Variants in CD164 observed in about 807,000 individuals in gnomAD.
The protein encoded by CD164 is sialomucin core protein 24.
CD164 carries 11 observed loss-of-function variants against 24.6 expected under a neutral mutation model. That is an observed-to-expected ratio of 0.45 (90% confidence interval 0.28 to 0.74). The LOEUF is 0.74. Among genes scored for constraint, CD164 ranks in the 30% least tolerant of loss-of-function variants. CD164 has a pLI of 0.13. For missense variants in CD164, 295 were observed against 243.7 expected (o/e 1.21, Z -1.40); for synonymous variants, 126 against 100.3 (o/e 1.26, Z -1.53).
Position 109,370,431 on chromosome 6 carries a change from G to C in CD164, c.407C>G (p.Ser136Cys). Residue 136 changes from serine to cysteine, a missense_variant, in exon 5 of 6, where the codon TCC becomes TGC. Ser to Cys is a moderately radical substitution (Grantham distance 112). Coordinates refer to ENST00000310786, the MANE Select transcript of CD164 (RefSeq NM_006016.6). Reference sequence around the variant, plus strand: ...ATTACCTGATGTAGTAACTGTCTTGGAAGTTGTAGAAGGGGAGGGCTGAAC... The same window carrying C: ...ATTACCTGATGTAGTAACTGTCTTGCAAGTTGTAGAAGGGGAGGGCTGAAC... ...PTVQPSPSTT[S>C]KTVTTSGTTN... 6.2e-7 allele frequency: 1 copy of C among 1,613,216 alleles called. No homozygotes were observed. Among genetic ancestry groups the C allele is most frequent in the Non-Finnish European group, 8.5e-7 (1 of 1,179,416 alleles).
intron 1 of CD164, chr6:109,381,740 G>A (rs1195324114): frequency 1.7e-6 from 1 of 589,092 alleles, no homozygotes; most frequent in African/African-American, 1.9e-5. Context: ...CCGGACTTCC[G>A]GAGAAGGCTA....
chr6:109,373,446 C>G (rs1312818837), intron 4 of CD164, among the ~76,000 whole-genome samples: 1 of 152,178 alleles, frequency 6.6e-6, no homozygotes, highest in African/African-American at 2.4e-5. Context: ...TGTTCTTCAA[C>G]TAGTGTCAGT....
At chr6:109,375,323 A>C (rs1771331103) in intron 4 of CD164, among the ~76,000 whole-genome samples, 1 of 152,170 alleles carries the variant, frequency 6.6e-6, no homozygotes, top group Admixed American at 6.5e-5. Context: ...TTACATTAAG[A>C]GAGAAAATAC....
At chr6:109,371,827 G>C (rs961850464) in intron 4 of CD164, 1 of 152,888 alleles carries the variant, frequency 6.5e-6, no homozygotes, top group Non-Finnish European at 1.5e-5. Context: ...GGTAAGTCAG[G>C]CTTCAGAGTG....
chr6:109,370,280 C>G (rs1771004132), intron 5 of CD164, 131 bp downstream of exon 5: 2 of 715,092 alleles, frequency 2.8e-6, no homozygotes, highest in African/African-American at 1.8e-5. Flanking sequence ...CTTGATCCCC[C>G]CTAAGAGTAA....
chr6:109,376,751 T>G (rs1771432550), intron 3 of CD164, among the ~76,000 whole-genome samples: 1 of 152,240 alleles, frequency 6.6e-6, no homozygotes, highest in African/African-American at 2.4e-5. Flanking sequence ...CTAATACTAA[T>G]GAAATCTTCA....
chr6:109,368,230 G>C lies in CD164; in HGVS notation c.*621C>G. On this transcript the variant is annotated 3_prime_UTR_variant, in exon 6 of 6. Coordinates refer to ENST00000310786, the MANE Select transcript of CD164 (RefSeq NM_006016.6). ...CTTTATATTCTCAATGACATAAGAT[G>C]CTTTACAAGTATGAACAATAATCTG... The C allele has an allele frequency of 6.8e-7, 1 of 1,479,986 alleles. No individual in the cohort carries two copies. The allele number at this position is 1,479,986 out of a possible 1,614,324, so 91.7% of individuals were successfully genotyped here.
intron 4 of CD164, among the ~76,000 whole-genome samples, chr6:109,373,545 T>C (rs1208656131): frequency 6.6e-6 from 1 of 152,142 alleles, no homozygotes; most frequent in Non-Finnish European, 1.5e-5. Context: ...CTCATGGCAA[T>C]TCACAGGAGG....
In CD164 at chr6:109,377,911, T is replaced by G. The variant is rs765986775; in HGVS notation, c.320A>C (p.Asp107Ala). The change falls in exon 3 of 6, where the codon GAC (aspartate) becomes GCC (alanine). Residue 107 changes from aspartate to alanine, a missense_variant. By Grantham distance (126) the Asp-to-Ala change is moderately radical (BLOSUM62 -2). Transcript: ENST00000310786. ...VSDCQVGNTT[D>A]FCSVSTATPV... ...ATATGAATACTTACCGGAACAGAAG[T>G]CTGTCGTGTTCCCCACTTGACAATC... 1 of 1,612,954 alleles carries G rather than the reference T, an allele frequency of 6.2e-7. No individual in the cohort carries two copies. The highest frequency in any genetic ancestry group is 1.1e-5 in the South Asian group (1 of 91,066).
chr6:109,370,731 T>C (rs1347254706), intron 4 of CD164: 3 of 335,720 alleles, frequency 8.9e-6, no homozygotes, highest in African/African-American at 6.6e-5. Flanking sequence ...TACATCTGGA[T>C]AAAATTTGCG....
rs758680592 is a variant in CD164 at position 109,368,981 on chromosome 6, G to A, written c.464C>T (p.Pro155Leu). The A allele has an allele frequency of 1.1e-5, 18 of 1,613,686 alleles. No homozygotes were observed. Among genetic ancestry groups the A allele is most frequent in the Non-Finnish European group, 1.4e-5 (17 of 1,179,794 alleles). Residue 155 changes from proline to leucine, a missense_variant, in exon 6 of 6, where the codon CCT becomes CTT. Physicochemically the swap from Pro to Leu is moderately conservative, Grantham distance 98. Coordinates refer to ENST00000310786, the MANE Select transcript of CD164 (RefSeq NM_006016.6). ...TNNTVTPTSQ[P>L]VRKSTFDAAS... is the part of the protein sequence containing the mutation. Reference sequence around the variant, plus strand: ...TGCATCAAAGGTAGACTTTCGCACAGGTTGTGAGGTTGGAGTCACAGTGTT... The same window carrying A: ...TGCATCAAAGGTAGACTTTCGCACAAGTTGTGAGGTTGGAGTCACAGTGTT...
rs540618382 is a variant in CD164 at position 109,382,299 on chromosome 6, G to A, written c.80C>T (p.Thr27Met). The part of the protein sequence containing the change: ...VLCVLSADKN[T>M]TQHPNVTTLA... ...AGTCGTCACGTTCGGGTGCTGGGTC[G>A]TGTTCTTGTCCGCGGACAGCACGCA... The change falls in exon 1 of 6, where the codon ACG becomes ATG. Residue 27 changes from threonine to methionine, a missense_variant. Transcript: ENST00000310786. The A allele has an allele frequency of 2.5e-6, 4 of 1,584,074 alleles. No homozygotes were observed. Among genetic ancestry groups the A allele is most frequent in the East Asian group, 2.3e-5 (1 of 43,470 alleles).
chr6:109,368,854 C>T lies in CD164; in HGVS notation c.591G>A (p.Leu197=), dbSNP rs757645536. 5 of 1,611,970 alleles carry T rather than the reference C, an allele frequency of 3.1e-6. No homozygotes were observed. In the African/African-American group the frequency reaches 4.0e-5, roughly 13 times the overall value. ...CTTATTAATTCAATGGGTCTGTTTA[C>T]AGAGTGTGGTAATTTCGTTCTTTAG... ...CKSKERNYHT[L] The change falls in exon 6 of 6, where the codon CTG becomes CTA. Residue 197 remains leucine (L), a synonymous_variant. Coordinates refer to ENST00000310786, the MANE Select transcript of CD164 (RefSeq NM_006016.6).
At chr6:109,378,967 T>C (rs191915516) in intron 2 of CD164, among the ~76,000 whole-genome samples, 1 of 152,198 alleles carries the variant, frequency 6.6e-6, no homozygotes, top group African/African-American at 2.4e-5. Context: ...ATTAAAATAA[T>C]GTATGCAGTA....
intron 5 of CD164, among the ~76,000 whole-genome samples, chr6:109,369,527 CAT>C (rs1229954857): frequency 1.4e-5 from 2 of 145,772 alleles, no homozygotes; most frequent in African/African-American, 2.5e-5. Context: ...ACAAATTTCA[CAT>C]GAGAAAGTAT....
chr6:109,381,547 A>G (rs964449409), intron 1 of CD164: 1 of 702,514 alleles, frequency 1.4e-6, no homozygotes, highest in African/African-American at 1.7e-5. Context: ...CACCCGGTAC[A>G]TACATGGGTA....
intron 1 of CD164, chr6:109,381,397 A>G (rs1298930522): frequency 2.4e-5 from 16 of 667,450 alleles, no homozygotes; most frequent in Non-Finnish European, 3.8e-5. Context: ...AGCACAGGAC[A>G]TAGTTAAGAA....
chr6:109,375,409 G>C (rs1205056574), intron 4 of CD164, among the ~76,000 whole-genome samples: 2 of 151,902 alleles, frequency 1.3e-5, no homozygotes, highest in African/African-American at 4.8e-5. Context: ...TTTAAGTCAG[G>C]ATTTCAAGAC....
At position 109,368,159 on chromosome 6, in the gene CD164, G is replaced by A. The variant is rs895187850; in HGVS notation, c.*692C>T. On this transcript the variant is annotated 3_prime_UTR_variant, in exon 6 of 6. Coordinates refer to ENST00000310786, the MANE Select transcript of CD164 (RefSeq NM_006016.6). ...CCTTAATGTCAAAGAACAAATCATA[G>A]ACATTAAGCTAGAGCTTACCTTTCA... The A allele has an allele frequency of 7.7e-6, 7 of 909,880 alleles. No homozygotes were observed. The highest frequency in any genetic ancestry group is 3.5e-5 in the Admixed American group (1 of 28,532). The allele number at this position is 909,880 out of a possible 1,614,324, so 56.4% of individuals were successfully genotyped here.
Sources: allele counts gnomAD v4.1 joint callset (sites outside exome capture counted in the v4.1 genomes callset), GRCh38; gene constraint gnomAD v4.1.1; transcripts MANE v1.5; gene names NCBI Gene and HGNC (gene_info 2026-07-23, HGNC 2026-07-21).